PKHD1: variants seen among roughly 807,000 people sequenced by gnomAD.
PKHD1 encodes PKHD1 ciliary IPT domain containing fibrocystin/polyductin.
A neutral mutation model predicts 412.0 loss-of-function variants in PKHD1; 291 were observed. The observed-to-expected ratio is 0.71, with a 90% CI of 0.64 to 0.78. PKHD1 has a LOEUF of 0.78. PKHD1 is among the 30% of genes least tolerant of loss of function. The pLI is 0.00. For missense variants in PKHD1, 4,825 were observed against 4,950.7 expected (o/e 0.97, Z 0.76); for synonymous variants, 1,777 against 1,821.5 (o/e 0.98, Z 0.62).
At chr6:52,042,677 G>A (rs1805104982) in intron 27 of PKHD1, among the ~76,000 whole-genome samples, 182 bp downstream of exon 27, 2 of 152,186 alleles carry the variant, frequency 1.3e-5, no homozygotes, top group Admixed American at 6.5e-5. Flanking sequence ...AATCCTTTAT[G>A]TGGCAAGTGA....
intron 50 of PKHD1, among the ~76,000 whole-genome samples, chr6:51,841,908 G>A (rs528361000): frequency 2.0e-5 from 3 of 152,246 alleles, no homozygotes; most frequent in Non-Finnish European, 4.4e-5. Context: ...TGGTAGACAG[G>A]ATCAGGAGCC....
chr6:51,982,169 C>A (rs1162017349), intron 35 of PKHD1, among the ~76,000 whole-genome samples: 9 of 41,730 alleles, frequency 2.2e-4, no homozygotes, highest in Non-Finnish European at 3.7e-4. Context: ...GGCAGCCACC[C>A]CGTCCGGGAG....
chr6:52,073,582 C>A, intron 6 of PKHD1, 41 bp from the exon 7 acceptor site: 3 of 1,118,578 alleles, frequency 2.7e-6, no homozygotes, highest in Non-Finnish European at 4.1e-6. Flanking sequence ...GGACTTAGCT[C>A]AAACTCAATG....
chr6:51,706,239 G>C (rs182040272), intron 60 of PKHD1, among the ~76,000 whole-genome samples: 1 of 152,116 alleles, frequency 6.6e-6, no homozygotes, highest in East Asian at 1.9e-4. Context: ...TCTTTCTTCT[G>C]ATCATAGGTC....
intron 36 of PKHD1, among the ~76,000 whole-genome samples, chr6:51,951,916 T>C (rs1448328469): frequency 1.3e-5 from 2 of 152,190 alleles, no homozygotes; most frequent in African/African-American, 4.8e-5. Context: ...TGAAAGGTTT[T>C]AAGTAAGGAA....
At chr6:51,674,421 C>T (rs1423067660) in intron 60 of PKHD1, among the ~76,000 whole-genome samples, 1 of 152,128 alleles carries the variant, frequency 6.6e-6, no homozygotes, top group East Asian at 1.9e-4. Context: ...TTCCTTCCTT[C>T]TTCCTTCTTC....
chr6:51,802,254 T>A (rs954305033), intron 52 of PKHD1, among the ~76,000 whole-genome samples: 1 of 147,426 alleles, frequency 6.8e-6, no homozygotes, highest in African/African-American at 2.7e-5. Flanking sequence ...ACAACAACAA[T>A]CAAACAAACA....
At chr6:51,638,575 A>G (rs140054434) in intron 64 of PKHD1, among the ~76,000 whole-genome samples, 7 of 152,286 alleles carry the variant, frequency 4.6e-5, no homozygotes, top group African/African-American at 1.4e-4. Context: ...TAAGTAAATT[A>G]AAGAAAAAAA....
chr6:51,962,937 T>A (rs1000774322), intron 35 of PKHD1, among the ~76,000 whole-genome samples: 3 of 152,100 alleles, frequency 2.0e-5, no homozygotes, highest in African/African-American at 7.2e-5. Flanking sequence ...TTGGTTTGGG[T>A]CATTGCTATA....
chr6:51,869,580 A>T (rs1247796923), intron 47 of PKHD1, among the ~76,000 whole-genome samples: 2 of 152,168 alleles, frequency 1.3e-5, no homozygotes, highest in African/African-American at 4.8e-5. Context: ...AATACTATTC[A>T]GTGAAAAGGG....
chr6:51,684,943 G>C (rs562942580), intron 60 of PKHD1, among the ~76,000 whole-genome samples: 15 of 152,142 alleles, frequency 9.9e-5, no homozygotes, highest in African/African-American at 2.6e-4. Context: ...ATTATGTTTA[G>C]AGAAAATCAC....
chr6:51,996,655 T>C (rs563998439), intron 35 of PKHD1, among the ~76,000 whole-genome samples: 110 of 152,370 alleles, frequency 7.2e-4, no homozygotes, highest in African/African-American at 2.6e-3. Context: ...AAGGGAGACT[T>C]ACCAAACTGT....
chr6:51,651,374 C>A (rs1169110478), intron 61 of PKHD1, among the ~76,000 whole-genome samples: 2 of 152,064 alleles, frequency 1.3e-5, no homozygotes. Context: ...ATCGAATCTC[C>A]GTGGCCTTTT....
intron 60 of PKHD1, among the ~76,000 whole-genome samples, chr6:51,731,731 C>A (rs896891019): frequency 1.3e-5 from 2 of 152,204 alleles, no homozygotes; most frequent in Admixed American, 6.5e-5. Flanking sequence ...TAATGTGTAT[C>A]CCTCAGAACA....
At chr6:51,802,826 T>C (rs1763143432) in intron 52 of PKHD1, among the ~76,000 whole-genome samples, 1 of 151,092 alleles carries the variant, frequency 6.6e-6, no homozygotes, top group Non-Finnish European at 1.5e-5. Context: ...CAGGGCAATA[T>C]ATCCAAAAAA....
Position 52,056,719 on chromosome 6 carries a change from G to C in PKHD1, c.1672C>G (p.Leu558Val), listed in dbSNP as rs747300669. The change falls in exon 18 of 67, where the codon CTC becomes GTC. Residue 558 changes from leucine (L) to valine (V), a missense_variant. Coordinates refer to ENST00000371117, the MANE Select transcript of PKHD1 (RefSeq NM_138694.4). ...GCACCTCGTTCAAATCCAAGCCGGA[G>C]AAGGATGTTAGACCAAAGGGGTTCC... ...KLEPLWSNIL[L>V]RLGFERGPEV... 6.2e-7 allele frequency: 1 copy of C among 1,613,268 alleles called. No homozygotes were observed.
chr6:51,648,076 T>C lies in PKHD1; in HGVS notation c.11353A>G (p.Thr3785Ala), dbSNP rs1770355520. The stretch of plus-strand genomic sequence containing the variant: ...GCTCCTTCCAGGGAAGCTGAAATTG[T>C]CCATGGCTCTGAAGGAGGTCCCAGG... ...ESLGPPSEPW[T>A]ISASLEGASD... Residue 3785 changes from threonine (T) to alanine (A), a missense_variant, in exon 63 of 67, where the codon ACA (threonine) becomes GCA (alanine). Coordinates refer to ENST00000371117, the MANE Select transcript of PKHD1 (RefSeq NM_138694.4). The C allele has an allele frequency of 6.2e-7, 1 of 1,609,776 alleles. No homozygotes were observed. The highest frequency in any genetic ancestry group is 2.2e-5 in the East Asian group (1 of 44,864).
At chr6:51,746,366 A>T (rs1376004040) in intron 59 of PKHD1, among the ~76,000 whole-genome samples, 1 of 152,216 alleles carries the variant, frequency 6.6e-6, no homozygotes, top group Admixed American at 6.6e-5. Context: ...GTTTGAAAAC[A>T]TCCCAAAGAA....
intron 52 of PKHD1, among the ~76,000 whole-genome samples, chr6:51,795,312 G>A (rs6911215): frequency 0.59 from 89,856 of 152,004 alleles, 27,231 homozygotes; most frequent in East Asian, 0.83. Flanking sequence ...GTTCATTTGC[G>A]AGTTGGCTCT....
Sources: allele counts gnomAD v4.1 joint callset (sites outside exome capture counted in the v4.1 genomes callset), GRCh38; gene constraint gnomAD v4.1.1; transcripts MANE v1.5; gene names NCBI Gene and HGNC (gene_info 2026-07-23, HGNC 2026-07-21).